Variants in CEP112 observed in about 807,000 individuals in gnomAD.
The protein encoded by CEP112 is centrosomal protein of 112 kDa.
Under a neutral mutation model 153.0 loss-of-function variants are expected in CEP112, and 127 were observed. That is an observed-to-expected ratio of 0.83 (90% CI 0.72 to 0.96). The LOEUF is 0.96. CEP112 is among the 40% of genes least tolerant of loss of function. The pLI is 0.00. For missense variants in CEP112, 1,089 were observed against 1,101.2 expected (o/e 0.99, Z 0.16); for synonymous variants, 358 against 374.4 (o/e 0.96, Z 0.51).
chr17:65,906,821 C>G (rs1055133812), intron 19 of CEP112, among the ~76,000 whole-genome samples: 1 of 152,216 alleles, frequency 6.6e-6, no homozygotes, highest in African/African-American at 2.4e-5. Flanking sequence ...GCTCAGGAAG[C>G]TGAGTGAATG....
At chr17:65,961,419 T>A (rs186741687) in intron 18 of CEP112, 44 bp downstream of exon 18, 1 of 1,540,036 alleles carries the variant, frequency 6.5e-7, no homozygotes, top group Non-Finnish European at 8.9e-7. Flanking sequence ...ACCTTCCTAC[T>A]GAGAGAGTGA....
At chr17:66,033,704 CTA>C (rs1282589807) in intron 12 of CEP112, among the ~76,000 whole-genome samples, 1 of 152,174 alleles carries the variant, frequency 6.6e-6, no homozygotes, top group Non-Finnish European at 1.5e-5. Context: ...TCTCTACTGC[CTA>C]TATTTCTGTG....
At chr17:65,798,120 C>A (rs908921595) in intron 21 of CEP112, among the ~76,000 whole-genome samples, 1 of 151,966 alleles carries the variant, frequency 6.6e-6, no homozygotes, top group Non-Finnish European at 1.5e-5. Flanking sequence ...ACTGGTTTTC[C>A]ATCACTATGG....
rs567490495 is a variant in CEP112, at chr17:66,190,241, A to G, written c.-9+1756T>C. On this transcript the variant is annotated intron_variant, in intron 1 of 26. Coordinates refer to ENST00000535342, the MANE Select transcript of CEP112 (RefSeq NM_001199165.4). ...GGAGAATCGCTTGAACCTGGGAGGC[A>G]GAGGTTGCAGTGAGCTGAAATCATG... Among the ~76,000 whole-genome samples the G allele has an allele frequency of 3.1e-3, 478 of 151,892 alleles. 3 individuals carry two copies. The highest frequency in any genetic ancestry group is 0.011 in the African/African-American group (450 of 41,400).
At chr17:65,908,395 A>G (rs543286382) in intron 19 of CEP112, among the ~76,000 whole-genome samples, 22 of 149,280 alleles carry the variant, frequency 1.5e-4, no homozygotes, top group African/African-American at 5.1e-4. Flanking sequence ...TTTTGAGGTC[A>G]AAACAGGAGA....
intron 15 of CEP112, 136 bp from the exon 16 acceptor site, chr17:66,027,696 C>T (rs1216951129): frequency 1.0e-5 from 6 of 601,828 alleles, no homozygotes; most frequent in Non-Finnish European, 1.5e-5. Flanking sequence ...TAAGTAAGCC[C>T]TACAGGTAGA....
At chr17:65,746,733 C>A (rs1189071630) in intron 22 of CEP112, among the ~76,000 whole-genome samples, 2 of 152,010 alleles carry the variant, frequency 1.3e-5, no homozygotes, top group African/African-American at 4.8e-5. Flanking sequence ...AGATAACCTA[C>A]CCTTCTCATA....
At chr17:65,687,506 G>A (rs1038298797) in intron 24 of CEP112, among the ~76,000 whole-genome samples, 1 of 151,904 alleles carries the variant, frequency 6.6e-6, no homozygotes, top group Non-Finnish European at 1.5e-5. Flanking sequence ...ATTCTATTTT[G>A]TTATCCTATT....
At chr17:66,124,496 G>A (rs914709421) in intron 6 of CEP112, among the ~76,000 whole-genome samples, 4 of 152,068 alleles carry the variant, frequency 2.6e-5, no homozygotes, top group Non-Finnish European at 2.9e-5. Context: ...ACAGATGGGC[G>A]CTAACTGCTG....
intron 17 of CEP112, among the ~76,000 whole-genome samples, chr17:65,984,187 T>A (rs1400648629): frequency 1.3e-5 from 2 of 151,836 alleles, no homozygotes; most frequent in African/African-American, 4.8e-5. Context: ...GGGTTTTTTT[T>A]AAACTGGCTG....
chr17:65,974,332 C>T (rs182371993), intron 17 of CEP112, among the ~76,000 whole-genome samples: 23 of 152,284 alleles, frequency 1.5e-4, no homozygotes, highest in Admixed American at 2.6e-4. Context: ...CCGCCTTGGC[C>T]TCCCAAAGTG....
chr17:66,043,078 T>A, intron 12 of CEP112: 1 of 981,452 alleles, frequency 1.0e-6, no homozygotes, highest in Non-Finnish European at 1.2e-6. Context: ...CTCTTTAAGG[T>A]AAAGGATCTT....
At chr17:66,025,381 T>C (rs987007749) in intron 16 of CEP112, among the ~76,000 whole-genome samples, 1 of 152,080 alleles carries the variant, frequency 6.6e-6, no homozygotes, top group African/African-American at 2.4e-5. Context: ...ACTATGCATC[T>C]GGCCCGGGGA....
intron 4 of CEP112, among the ~76,000 whole-genome samples, chr17:66,156,521 CA>C (rs1423609876): frequency 6.6e-6 from 1 of 152,042 alleles, no homozygotes; most frequent in African/African-American, 2.4e-5. Context: ...CAAAGCTGGA[CA>C]GAGAATGAGT....
intron 23 of CEP112, among the ~76,000 whole-genome samples, chr17:65,701,184 C>T (rs560668068): frequency 1.3e-5 from 2 of 152,264 alleles, no homozygotes; most frequent in East Asian, 3.9e-4. Context: ...CGGGGGAATG[C>T]ATGTGCCGGG....
At chr17:65,643,231 C>T (rs898890748) in intron 24 of CEP112, among the ~76,000 whole-genome samples, 14 of 152,190 alleles carry the variant, frequency 9.2e-5, no homozygotes, top group Non-Finnish European at 2.1e-4. Flanking sequence ...GCAGATTCTT[C>T]CTGAGCATAG....
chr17:65,954,986 GACATGCAAAT>G (rs1389466525), intron 18 of CEP112, among the ~76,000 whole-genome samples: 1 of 152,168 alleles, frequency 6.6e-6, no homozygotes, highest in African/African-American at 2.4e-5. Flanking sequence ...TAAAGGCCTA[GACATGCAAAT>G]ACAAGAAGCA....
intron 18 of CEP112, among the ~76,000 whole-genome samples, chr17:65,929,059 C>T (rs1235564236): frequency 3.3e-5 from 5 of 151,950 alleles, no homozygotes; most frequent in African/African-American, 9.7e-5. Context: ...TGATCTGGGA[C>T]GGTAACTGTT....
intron 21 of CEP112, among the ~76,000 whole-genome samples, chr17:65,793,574 A>G (rs1338194323): frequency 1.3e-5 from 2 of 152,212 alleles, no homozygotes; most frequent in South Asian, 2.1e-4. Flanking sequence ...TTTATCTCAC[A>G]TATTCTCTCT....
Sources: gnomAD v4.1 joint callset for allele counts (sites outside exome capture counted in the v4.1 genomes callset) on GRCh38, gnomAD v4.1.1 for gene constraint, MANE v1.5 for transcripts, NCBI Gene and HGNC (gene_info 2026-07-23, HGNC 2026-07-21) for gene names.